Variants in PPP2R2B observed in about 807,000 individuals in gnomAD.
The protein encoded by PPP2R2B is protein phosphatase 2 regulatory subunit Bbeta.
In PPP2R2B, 5 loss-of-function variants were observed where a neutral mutation model predicts 46.0. The observed-to-expected ratio is 0.11, with a 90% CI of 0.06 to 0.23. PPP2R2B has a LOEUF of 0.23. Ranked by LOEUF, PPP2R2B falls within the 10% of genes least tolerant of loss-of-function variation. PPP2R2B has a pLI of 1.00. For synonymous variants in PPP2R2B, 215 were observed against 206.7 expected, an observed-to-expected ratio of 1.04 and a Z score of -0.34; for missense variants, 367 against 575.0, an observed-to-expected ratio of 0.64 and a Z score of 3.70.
chr5:146,898,163 C>T (rs937351653), intron 1 of PPP2R2B, among the ~76,000 whole-genome samples: 7 of 152,030 alleles, frequency 4.6e-5, no homozygotes, highest in South Asian at 4.1e-4. Flanking sequence ...CCAGCCTGGG[C>T]GACAAGAGTG....
chr5:146,769,211 G>A (rs1480882111), intron 2 of PPP2R2B, among the ~76,000 whole-genome samples: 3 of 151,994 alleles, frequency 2.0e-5, no homozygotes, highest in East Asian at 1.9e-4. Flanking sequence ...TGCCCTTCTC[G>A]ATGTTACTCC....
chr5:146,988,713 A>G (rs1270957979), intron 1 of PPP2R2B, among the ~76,000 whole-genome samples: 1 of 151,926 alleles, frequency 6.6e-6, no homozygotes, highest in African/African-American at 2.4e-5. Context: ...GGAACTAGAA[A>G]AATAAGAACA....
chr5:146,729,685 C>A (rs1349061481), intron 2 of PPP2R2B, among the ~76,000 whole-genome samples: 1 of 152,180 alleles, frequency 6.6e-6, no homozygotes, highest in Non-Finnish European at 1.5e-5. Flanking sequence ...ACAGCTTGGG[C>A]CTGCGGTTTC....
At chr5:146,918,668 T>G in intron 1 of PPP2R2B, among the ~76,000 whole-genome samples, 1 of 152,210 alleles carries the variant, frequency 6.6e-6, no homozygotes, top group East Asian at 1.9e-4. Context: ...GGGTCTGGTC[T>G]CATCTATACT....
intron 2 of PPP2R2B, among the ~76,000 whole-genome samples, chr5:146,831,063 G>A (rs1457561724): frequency 6.6e-6 from 1 of 151,944 alleles, no homozygotes; most frequent in African/African-American, 2.4e-5. Context: ...TAAAAGTAGA[G>A]CACATACCGT....
rs1244073355 is a variant in PPP2R2B at position 146,583,846 on chromosome 5, T to C, written c.*6101A>G. 1 of 152,212 alleles carries C rather than the reference T, an allele frequency of 6.6e-6. No individual in the cohort carries two copies. The highest frequency in any genetic ancestry group is 1.5e-5 in the Non-Finnish European group (1 of 68,042). The allele number at this position is 152,212 out of a possible 1,614,324, so 9.4% of individuals were successfully genotyped here. A position where few individuals can be genotyped will look rare whatever the true frequency, so the allele number is the denominator to read the frequency against. Reference sequence around the variant, plus strand: ...CTTCCATGACTCCCACAAGTATGTATTACTCTGGCTGGAAGGGAGGGCATC... The same window carrying C: ...CTTCCATGACTCCCACAAGTATGTACTACTCTGGCTGGAAGGGAGGGCATC... On this transcript the variant is annotated 3_prime_UTR_variant, in exon 10 of 10. Coordinates refer to ENST00000394411, the MANE Select transcript of PPP2R2B (RefSeq NM_181675.4).
At chr5:146,893,680 C>T (rs1330095081) in intron 1 of PPP2R2B, among the ~76,000 whole-genome samples, 2 of 151,880 alleles carry the variant, frequency 1.3e-5, no homozygotes, top group African/African-American at 4.8e-5. Flanking sequence ...CACATGGACA[C>T]AGGGAGGGCA....
intron 5 of PPP2R2B, among the ~76,000 whole-genome samples, chr5:146,690,562 C>T (rs772733000): frequency 6.6e-6 from 1 of 152,172 alleles, no homozygotes; most frequent in African/African-American, 2.4e-5. Context: ...ATATTGAGGA[C>T]CAGCCATAGA....
intron 2 of PPP2R2B, among the ~76,000 whole-genome samples, chr5:146,737,107 C>A (rs1243170841): frequency 6.6e-6 from 1 of 152,100 alleles, no homozygotes. Flanking sequence ...GTGTGTATTT[C>A]ATACTTACAG....
chr5:146,633,289 T>G (rs886841616), intron 7 of PPP2R2B, among the ~76,000 whole-genome samples: 2 of 152,330 alleles, frequency 1.3e-5, no homozygotes, highest in African/African-American at 4.8e-5. Flanking sequence ...TATTAAATAC[T>G]CTCCTTCTCA....
At chr5:146,776,102 T>A (rs1429541567) in intron 2 of PPP2R2B, among the ~76,000 whole-genome samples, 2 of 152,092 alleles carry the variant, frequency 1.3e-5, no homozygotes, top group African/African-American at 4.8e-5. Flanking sequence ...GCGATCCCTA[T>A]CAAAATCCTA....
At chr5:146,596,806 G>A (rs1298734648) in intron 8 of PPP2R2B, among the ~76,000 whole-genome samples, 1 of 152,148 alleles carries the variant, frequency 6.6e-6, no homozygotes, top group Admixed American at 6.5e-5. Context: ...CAGGGAGTAC[G>A]ATGGACCACA....
At chr5:146,708,722 ACAGAGT>A (rs1780045600) in intron 2 of PPP2R2B, among the ~76,000 whole-genome samples, 1 of 152,176 alleles carries the variant, frequency 6.6e-6, no homozygotes, top group African/African-American at 2.4e-5. Flanking sequence ...TTCTTAGTAC[ACAGAGT>A]CAAAGATTTT....
chr5:147,049,291 T>A (rs1756686687), intron 1 of PPP2R2B, among the ~76,000 whole-genome samples: 1 of 152,120 alleles, frequency 6.6e-6, no homozygotes, highest in African/African-American at 2.4e-5. Context: ...AAATTGAGGA[T>A]GGCTCCAATG....
At chr5:147,005,881 T>C (rs1754414427) in intron 1 of PPP2R2B, among the ~76,000 whole-genome samples, 1 of 152,126 alleles carries the variant, frequency 6.6e-6, no homozygotes, top group Non-Finnish European at 1.5e-5. Flanking sequence ...CCAGGGTAAA[T>C]TTAAAACCTA....
chr5:146,879,277 G>A (rs941829123), upstream of PPP2R2B: 1 of 151,550 alleles, frequency 6.6e-6, no homozygotes, highest in Non-Finnish European at 1.5e-5. Flanking sequence ...TCAGGGGCCA[G>A]AACTTTGCAA....
intron 5 of PPP2R2B, among the ~76,000 whole-genome samples, chr5:146,689,621 A>G (rs75657735): frequency 0.024 from 3,635 of 152,330 alleles, 61 homozygotes; most frequent in South Asian, 0.028. Context: ...ATTAAGTGAT[A>G]TATGACTGTC....
intron 5 of PPP2R2B, among the ~76,000 whole-genome samples, chr5:146,685,675 C>T (rs551507689): frequency 2.0e-5 from 3 of 152,130 alleles, no homozygotes; most frequent in Non-Finnish European, 4.4e-5. Context: ...GTCCAAATTG[C>T]CACCAATGGG....
At chr5:146,835,629 GA>G (rs756804327) in intron 2 of PPP2R2B, among the ~76,000 whole-genome samples, 2 of 152,126 alleles carry the variant, frequency 1.3e-5, no homozygotes, top group African/African-American at 2.4e-5. Flanking sequence ...GTCTACTGAT[GA>G]AGAAACTGAA....
Sources: gnomAD v4.1 joint callset for allele counts (sites outside exome capture counted in the v4.1 genomes callset) on GRCh38, gnomAD v4.1.1 for gene constraint, MANE v1.5 for transcripts, NCBI Gene and HGNC (gene_info 2026-07-23, HGNC 2026-07-21) for gene names.